The following FCGRT variants were observed in gnomAD, a reference collection of about 807,000 sequenced individuals.
The protein encoded by FCGRT is Fc gamma receptor and transporter, also known as IgG receptor FcRn large subunit p51.
Under a neutral mutation model 35.7 loss-of-function variants are expected in FCGRT, and 13 were observed. The ratio of observed to expected loss-of-function variants is 0.36; its 90% CI spans 0.24 to 0.58. The LOEUF (loss-of-function observed/expected upper bound fraction) is 0.58. FCGRT is among the 20% of genes least tolerant of loss of function. The probability of loss-of-function intolerance (pLI) is 0.77; values close to 1 mark genes in which losing one functional copy is unlikely to be tolerated. For synonymous variants in FCGRT, 233 were observed against 216.5 expected (o/e 1.08, Z -0.67); for missense variants, 455 against 474.9 (o/e 0.96, Z 0.39).
chr19:49,526,337 G>A lies in FCGRT; in HGVS notation c.*218G>A. The A allele has an allele frequency of 3.6e-6, 2 of 556,542 alleles. No individual in the cohort carries two copies. The highest frequency in any genetic ancestry group is 3.2e-6 in the Non-Finnish European group (1 of 312,056). 34.5% of individuals were successfully genotyped at this position (556,542 alleles called of 1,614,324 possible). ...ATAACACGAGTTTGGGCCCGAATCA[G>A]TGTGTTCTCATCATTTTTCAGGCAG... On this transcript the variant is annotated 3_prime_UTR_variant, in exon 7 of 7. Coordinates refer to ENST00000221466, the MANE Select transcript of FCGRT (RefSeq NM_001136019.3).
chr19:49,520,304 ATTT>A (rs2080033719), intron 4 of FCGRT, among the ~76,000 whole-genome samples: 1 of 142,906 alleles, frequency 7.0e-6, no homozygotes, highest in Admixed American at 7.0e-5. Context: ...TAATTTTTGT[ATTT>A]TTAGTACAGA....
At position 49,524,731 on chromosome 19, in the gene FCGRT, A is replaced by G. The variant is rs1004298228; in HGVS notation, c.826A>G (p.Ile276Val). The change falls in exon 5 of 7, where the codon ATT becomes GTT. Residue 276 changes from isoleucine (I) to valine (V), a missense_variant. Around this residue, in one of 3 missense-constraint regions of FCGRT, gnomAD observed 312 missense variants for 296.1 expected, o/e 1.05. Coordinates refer to ENST00000221466, the MANE Select transcript of FCGRT (RefSeq NM_001136019.3). ...KSGDEHHYCC[I>V]VQHAGLAQPL... is the part of the protein sequence containing the mutation. Reference sequence around the variant, plus strand: ...TGGCGATGAGCACCACTACTGCTGCATTGTGCAGCACGCGGGGCTGGCGCA... The same window carrying G: ...TGGCGATGAGCACCACTACTGCTGCGTTGTGCAGCACGCGGGGCTGGCGCA... The G allele has an allele frequency of 6.2e-7, 1 of 1,602,030 alleles. No individual in the cohort carries two copies. Among genetic ancestry groups the G allele is most frequent in the Non-Finnish European group, 8.5e-7 (1 of 1,179,928 alleles).
intron 4 of FCGRT, among the ~76,000 whole-genome samples, chr19:49,523,598 C>T (rs531289441): frequency 6.7e-6 from 1 of 149,064 alleles, no homozygotes; most frequent in South Asian, 2.1e-4. Context: ...TGGTGGCTCA[C>T]ACCTGTAATC....
In FCGRT at chr19:49,524,672, C is replaced by T; in HGVS notation, c.767C>T (p.Ser256Phe). The T allele has an allele frequency of 1.2e-6, 2 of 1,605,382 alleles. No individual in the cohort carries two copies. Among genetic ancestry groups the T allele is most frequent in the Non-Finnish European group, 1.7e-6 (2 of 1,179,990 alleles). Residue 256 changes from serine to phenylalanine, a missense_variant, in exon 5 of 7, where the codon TCC becomes TTC. By Grantham distance (155) the Ser-to-Phe change is radical. Transcript: ENST00000221466. Reference sequence around the variant, plus strand: ...GACTTCGGCCCCAACAGTGACGGATCCTTCCACGCCTCGTCGTCACTAACA... The same window carrying T: ...GACTTCGGCCCCAACAGTGACGGATTCTTCCACGCCTCGTCGTCACTAACA... The part of the protein sequence containing the change: ...QGDFGPNSDG[S>F]FHASSSLTVK...
intron 2 of FCGRT, 105 bp from the exon 3 acceptor site, chr19:49,513,777 G>C (rs1270359718): frequency 1.6e-5 from 7 of 450,864 alleles, no homozygotes; most frequent in Non-Finnish European, 2.0e-5. Flanking sequence ...CTCTGAATCT[G>C]TCCCCCTCCC....
intron 4 of FCGRT, 72 bp downstream of exon 4, chr19:49,514,558 C>A: frequency 7.2e-7 from 1 of 1,395,128 alleles, no homozygotes; most frequent in Non-Finnish European, 9.5e-7. Context: ...AGTTCCCCTG[C>A]CAGGACCCTC....
At chr19:49,523,368 A>G (rs1236761319) in intron 4 of FCGRT, among the ~76,000 whole-genome samples, 1 of 151,996 alleles carries the variant, frequency 6.6e-6, no homozygotes, top group Non-Finnish European at 1.5e-5. Context: ...GGAATTTGAG[A>G]CCAGCCTGGC....
intron 4 of FCGRT, chr19:49,521,829 C>T (rs1227670802): frequency 4.0e-5 from 6 of 151,894 alleles, no homozygotes; most frequent in Non-Finnish European, 5.9e-5. Context: ...TACCATCACA[C>T]GTAGTTAATT....
At chr19:49,513,773 A>AGGTC in intron 2 of FCGRT, 109 bp from the exon 3 acceptor site, 1 of 366,094 alleles carries the variant, frequency 2.7e-6, no homozygotes, top group African/African-American at 3.2e-5. Flanking sequence ...CTCTCTCTGA[A>AGGTC]TCTGTCCCCC....
rs2878342 is a variant in FCGRT at position 49,514,467 on chromosome 19, C to T, written c.582C>T (p.Arg194=). ...TGCGGGAGCACCTGGAGAGGGGCCG[C>T]GGAAACCTGGAGTGGAAGGGTGAGC... ...HRLREHLERG[R]GNLEWKEPPS... The change falls in exon 4 of 7, where the codon CGC becomes CGT. Residue 194 remains arginine, a synonymous_variant. Transcript: ENST00000221466. The T allele has an allele frequency of 0.091, 141,912 of 1,553,106 alleles. 9,416 individuals carry two copies. The highest frequency in any genetic ancestry group is 0.33 in the African/African-American group (24,618 of 73,546).
chr19:49,524,720 A>G lies in FCGRT; in HGVS notation c.815A>G (p.His272Arg), dbSNP rs1418061908. 2 of 1,602,206 alleles carry G rather than the reference A, an allele frequency of 1.2e-6. No homozygotes were observed. Among genetic ancestry groups the G allele is most frequent in the Non-Finnish European group, 8.5e-7 (1 of 1,179,898 alleles). ...SLTVKSGDEH[H>R]YCCIVQHAGL... ...ACAGTCAAAAGTGGCGATGAGCACC[A>G]CTACTGCTGCATTGTGCAGCACGCG... The change falls in exon 5 of 7, where the codon CAC becomes CGC. Residue 272 changes from histidine (H) to arginine (R), a missense_variant. By Grantham distance (29) the His-to-Arg change is conservative (BLOSUM62 0). This residue lies in a region of FCGRT where 312 missense variants were observed against 296.1 expected (regional missense o/e 1.05). Coordinates refer to ENST00000221466, the MANE Select transcript of FCGRT (RefSeq NM_001136019.3).
At chr19:49,524,940 T>C (rs2080065228) in intron 5 of FCGRT, 164 bp downstream of exon 5, 1 of 765,414 alleles carries the variant, frequency 1.3e-6, no homozygotes, top group Non-Finnish European at 2.3e-6. Flanking sequence ...TGATGGCTTG[T>C]CCTTCCCAAG....
chr19:49,516,031 C>G, intron 4 of FCGRT: 1 of 358,796 alleles, frequency 2.8e-6, no homozygotes, highest in Non-Finnish European at 5.5e-6. Context: ...AACTGTTGGC[C>G]AAGAGCATTT....
chr19:49,514,638 C>T (rs2079996388), intron 4 of FCGRT, 152 bp downstream of exon 4: 5 of 654,930 alleles, frequency 7.6e-6, no homozygotes, highest in Non-Finnish European at 1.2e-5. Flanking sequence ...CTCAGCCCTC[C>T]CATGGCTCCC....
chr19:49,513,486 C>A lies in FCGRT; in HGVS notation c.73+13C>A. 1 of 1,240,344 alleles carries A rather than the reference C, an allele frequency of 8.1e-7. No homozygotes were observed. The highest frequency in any genetic ancestry group is 4.0e-5 in the South Asian group (1 of 24,936). 76.8% of individuals were successfully genotyped at this position (1,240,344 alleles called of 1,614,324 possible). On this transcript the variant is annotated intron_variant, in intron 2 of 6. Coordinates refer to ENST00000221466, the MANE Select transcript of FCGRT (RefSeq NM_001136019.3). ...AGCCTGGGCGCAGGTGAGGGCCGCT[C>A]CGGGCCAGGGCCCTGCTGCAGGCGG...
At chr19:49,521,014 G>A (rs942346717) in intron 4 of FCGRT, 6 of 152,276 alleles carry the variant, frequency 3.9e-5, no homozygotes, top group Non-Finnish European at 7.3e-5. Context: ...AAGGAACTTG[G>A]GCAGTAATGC....
intron 1 of FCGRT, among the ~76,000 whole-genome samples, chr19:49,512,983 G>A (rs1351683279): frequency 1.5e-5 from 2 of 133,392 alleles, no homozygotes; most frequent in South Asian, 4.8e-4. Flanking sequence ...GGGGTTGGGG[G>A]CCCGGACTCC....
In FCGRT at chr19:49,526,167, C is replaced by A; in HGVS notation, c.*48C>A. ...AAAGCGAATGTAGTCAGGCCCCTTT[C>A]ATGCTGTGAGACCTCCTGGAACACT... On this transcript the variant is annotated 3_prime_UTR_variant, in exon 7 of 7. Transcript: ENST00000221466. 7.9e-7 allele frequency: 1 copy of A among 1,271,482 alleles called. No individual in the cohort carries two copies. The highest frequency in any genetic ancestry group is 1.2e-5 in the South Asian group (1 of 83,246). The allele number at this position is 1,271,482 out of a possible 1,614,324, so 78.8% of individuals were successfully genotyped here.
chr19:49,524,878 C>G (rs1229007995), intron 5 of FCGRT, 102 bp downstream of exon 5: 1 of 1,154,174 alleles, frequency 8.7e-7, no homozygotes. Flanking sequence ...CTGCTGCCAC[C>G]TCCTTGAATC....
Sources: allele counts gnomAD v4.1 joint callset (sites outside exome capture counted in the v4.1 genomes callset), GRCh38; gene constraint gnomAD v4.1.1; regional missense constraint gnomAD v4.1.1; transcripts MANE v1.5; gene names NCBI Gene and HGNC (gene_info 2026-07-23, HGNC 2026-07-21).